The following MAML2 variants were observed in gnomAD, a reference collection of about 807,000 sequenced individuals.
The protein encoded by MAML2 is mastermind like transcriptional coactivator 2.
A neutral mutation model predicts 96.1 loss-of-function variants in MAML2; 22 were observed. That is an observed-to-expected ratio of 0.23 (90% confidence interval 0.16 to 0.33). The LOEUF (loss-of-function observed/expected upper bound fraction) is 0.33. Ranked by LOEUF, MAML2 falls within the 10% of genes least tolerant of loss-of-function variation. MAML2 has a pLI of 1.00. For missense variants in MAML2, 1,367 were observed against 1,392.4 expected, an observed-to-expected ratio of 0.98 and a Z score of 0.29; for synonymous variants, 561 against 521.3, an observed-to-expected ratio of 1.08 and a Z score of -1.04.
At chr11:96,085,155 C>T (rs528061815) in intron 2 of MAML2, among the ~76,000 whole-genome samples, 2 of 131,330 alleles carry the variant, frequency 1.5e-5, no homozygotes, top group South Asian at 4.8e-4. Context: ...AGAGAGCTGC[C>T]TAGGCTATGC....
Position 96,093,103 on chromosome 11 carries a change from A to G in MAML2, c.928T>C (p.Phe310Leu). 1.2e-6 allele frequency: 2 copies of G among 1,613,976 alleles called. No individual in the cohort carries two copies. Among genetic ancestry groups the G allele is most frequent in the Non-Finnish European group, 1.7e-6 (2 of 1,179,894 alleles). Residue 310 changes from phenylalanine to leucine, a missense_variant, in exon 2 of 5, where the codon TTC (phenylalanine) becomes CTC (leucine). Physicochemically the swap from Phe to Leu is conservative, Grantham distance 22 (BLOSUM62 0). Transcript: ENST00000524717. ...ACAGATATGTTGGTCAGTTCATTGAACAGTTCCTGCAGCTCAGGATCCATC... is the reference window on the plus strand; with the variant it reads ...ACAGATATGTTGGTCAGTTCATTGAGCAGTTCCTGCAGCTCAGGATCCATC... ...QLMDPELQEL[F>L]NELTNISVPP... is the part of the protein sequence containing the mutation.
At chr11:96,243,035 GACACACACACACACACATACACAT>G (rs577601815) in intron 1 of MAML2, among the ~76,000 whole-genome samples, 34 of 150,078 alleles carry the variant, frequency 2.3e-4, no homozygotes, top group Middle Eastern at 3.5e-3. Context: ...CCAGTTCAGG[GACACACACACACACACATACACAT>G]ACACACACAC....
intron 1 of MAML2, among the ~76,000 whole-genome samples, chr11:96,155,509 A>AATATATAT (rs56860340): frequency 0.026 from 1,948 of 74,140 alleles, 127 homozygotes; most frequent in African/African-American, 0.035. Flanking sequence ...TAACAATTCA[A>AATATATAT]ATATATATAT....
intron 3 of MAML2, among the ~76,000 whole-genome samples, chr11:95,987,715 C>T (rs1354832688): frequency 5.3e-5 from 8 of 152,080 alleles, no homozygotes. Context: ...AACAACAAAC[C>T]AAATTTAAAT....
chr11:96,293,671 C>T (rs477612), intron 1 of MAML2, among the ~76,000 whole-genome samples: 40,197 of 151,894 alleles, frequency 0.26, 5,391 homozygotes, highest in East Asian at 0.32. Context: ...CACAGCCAAA[C>T]AGCCCACGGA....
At chr11:96,263,021 TA>T (rs569060551) in intron 1 of MAML2, among the ~76,000 whole-genome samples, 185 of 152,126 alleles carry the variant, frequency 1.2e-3, no homozygotes, top group Non-Finnish European at 1.9e-3. Context: ...CCCCGGGAGT[TA>T]AAAAAAAGTT....
chr11:96,299,054 A>ATATATATATAT (rs1484860694), intron 1 of MAML2, among the ~76,000 whole-genome samples: 201 of 36,088 alleles, frequency 5.6e-3, no homozygotes, highest in Non-Finnish European at 8.2e-3. Context: ...CAAAAAAAAA[A>ATATATATATAT]AAAAAAATAT....
chr11:96,329,313 C>T (rs775693688), intron 1 of MAML2, among the ~76,000 whole-genome samples: 20 of 152,154 alleles, frequency 1.3e-4, no homozygotes, highest in Non-Finnish European at 2.2e-4. Context: ...TTGTTCATTA[C>T]TTCTAGGAAG....
chr11:96,250,348 C>T (rs1252773232), intron 1 of MAML2, among the ~76,000 whole-genome samples: 1 of 152,102 alleles, frequency 6.6e-6, no homozygotes, highest in Non-Finnish European at 1.5e-5. Context: ...TCATAGTGCT[C>T]TGATCAAGAT....
intron 2 of MAML2, among the ~76,000 whole-genome samples, chr11:96,085,582 C>T (rs1859596673): frequency 6.6e-6 from 1 of 152,196 alleles, no homozygotes; most frequent in African/African-American, 2.4e-5. Context: ...TCCATTAACC[C>T]TCTTGCATTT....
intron 1 of MAML2, among the ~76,000 whole-genome samples, chr11:96,147,255 C>A (rs950857453): frequency 3.3e-5 from 5 of 152,208 alleles, no homozygotes; most frequent in African/African-American, 1.2e-4. Flanking sequence ...CAGCTACCCA[C>A]AAATCCCCAA....
At chr11:96,210,926 C>T (rs1861962280) in intron 1 of MAML2, among the ~76,000 whole-genome samples, 1 of 152,082 alleles carries the variant, frequency 6.6e-6, no homozygotes, top group Non-Finnish European at 1.5e-5. Flanking sequence ...TCCTTTGTCT[C>T]TTCCTTTTCT....
intron 1 of MAML2, among the ~76,000 whole-genome samples, chr11:96,185,855 AC>A (rs1431860007): frequency 1.3e-5 from 2 of 152,140 alleles, no homozygotes; most frequent in Admixed American, 6.5e-5. Flanking sequence ...CATCTATTTT[AC>A]CTTGTGCCAC....
At chr11:96,311,958 C>T (rs117041875) in intron 1 of MAML2, among the ~76,000 whole-genome samples, 51 of 152,010 alleles carry the variant, frequency 3.4e-4, no homozygotes, top group Admixed American at 1.2e-3. Context: ...GAGCAAACAC[C>T]GGCCAGGCTT....
intron 1 of MAML2, among the ~76,000 whole-genome samples, chr11:96,235,236 T>A (rs2135957324): frequency 6.6e-6 from 1 of 152,278 alleles, no homozygotes; most frequent in African/African-American, 2.4e-5. Flanking sequence ...AAACTATGAC[T>A]CAAGGGCCAA....
chr11:96,270,513 G>A (rs1402143158), intron 1 of MAML2, among the ~76,000 whole-genome samples: 1 of 152,096 alleles, frequency 6.6e-6, no homozygotes, highest in Non-Finnish European at 1.5e-5. Context: ...GTTTCACCAT[G>A]TTGGTCAGGC....
intron 1 of MAML2, among the ~76,000 whole-genome samples, chr11:96,142,696 G>A (rs1860755131): frequency 6.6e-6 from 1 of 152,142 alleles, no homozygotes; most frequent in Admixed American, 6.6e-5. Flanking sequence ...GTCAGATCCA[G>A]GAAGGGATCT....
chr11:96,045,743 A>G (rs1178317191), intron 2 of MAML2, among the ~76,000 whole-genome samples: 1 of 152,210 alleles, frequency 6.6e-6, no homozygotes, highest in Non-Finnish European at 1.5e-5. Flanking sequence ...AATACCCTCC[A>G]AGTGGATGAA....
At chr11:96,202,611 T>C (rs1458394435) in intron 1 of MAML2, among the ~76,000 whole-genome samples, 1 of 152,012 alleles carries the variant, frequency 6.6e-6, no homozygotes, top group Non-Finnish European at 1.5e-5. Context: ...TAAGTAACTA[T>C]GCTGTGTTCC....
Sources: allele counts gnomAD v4.1 joint callset (sites outside exome capture counted in the v4.1 genomes callset), GRCh38; gene constraint gnomAD v4.1.1; transcripts MANE v1.5; gene names NCBI Gene and HGNC (gene_info 2026-07-23, HGNC 2026-07-21).